EMX2: variants seen among roughly 807,000 people sequenced by gnomAD.
The protein encoded by EMX2 is empty spiracles homeobox 2, also known as homeobox protein EMX2.
In EMX2, 6 loss-of-function variants were observed where a neutral mutation model predicts 23.0. The observed-to-expected ratio is 0.26, with a 90% CI of 0.14 to 0.52. EMX2 has a LOEUF of 0.52. Ranked by LOEUF, EMX2 falls within the 20% of genes least tolerant of loss-of-function variation. The pLI is 0.97. For missense variants in EMX2, 302 were observed against 341.4 expected, an observed-to-expected ratio of 0.88 and a Z score of 0.91; for synonymous variants, 175 against 153.3, an observed-to-expected ratio of 1.14 and a Z score of -1.04.
chr10:117,544,374 TTTC>T (rs1410292938), intron 1 of EMX2: 4 of 84,438 alleles, frequency 4.7e-5, no homozygotes, highest in Non-Finnish European at 1.2e-4. Context: ...TTTTTCTTTC[TTTC>T]TTTAAAAAAA....
Position 117,548,940 on chromosome 10 carries a change from T to C in EMX2, c.*708T>C, listed in dbSNP as rs528090367. On this transcript the variant is annotated 3_prime_UTR_variant, in exon 3 of 3. Coordinates refer to ENST00000553456, the MANE Select transcript of EMX2 (RefSeq NM_004098.4). The stretch of plus-strand genomic sequence containing the variant: ...GTGTGCTTTTTATTTTGATTTTTTT[T>C]CCCAAGAAATGTGCAGTCTGTAAAC... 41 of 308,964 alleles carry C rather than the reference T, an allele frequency of 1.3e-4. No homozygotes were observed. Among genetic ancestry groups the C allele is most frequent in the Middle Eastern group, 1.7e-3 (2 of 1,164 alleles). 19.1% of individuals were successfully genotyped at this position (308,964 alleles called of 1,614,324 possible). A position where few individuals can be genotyped will look rare whatever the true frequency, so the allele number is the denominator to read the frequency against.
chr10:117,546,538 T>C (rs1846581191), intron 2 of EMX2, among the ~76,000 whole-genome samples: 1 of 152,204 alleles, frequency 6.6e-6, no homozygotes, highest in Non-Finnish European at 1.5e-5. Flanking sequence ...GACTAAGTTG[T>C]AACACTTTTC....
rs1464355718 is a variant in EMX2 at position 117,542,764 on chromosome 10, C to A, written c.-504C>A. The A allele has an allele frequency of 6.6e-6, 1 of 152,410 alleles. No homozygotes were observed. The highest frequency in any genetic ancestry group is 2.4e-5 in the African/African-American group (1 of 41,252). The allele number at this position is 152,410 out of a possible 1,614,324, so 9.4% of individuals were successfully genotyped here. A position where few individuals can be genotyped will look rare whatever the true frequency, so the allele number is the denominator to read the frequency against. ...ATCGTTTGCACAACTTGTGAAGAAGCGAACACTTCCATGGATTGTCCTTGG... is the reference window on the plus strand; with the variant it reads ...ATCGTTTGCACAACTTGTGAAGAAGAGAACACTTCCATGGATTGTCCTTGG... On this transcript the variant is annotated 5_prime_UTR_variant, in exon 1 of 3. Transcript: ENST00000553456.
chr10:117,547,766 G>A (rs555014229), intron 2 of EMX2, among the ~76,000 whole-genome samples: 1 of 152,350 alleles, frequency 6.6e-6, no homozygotes, highest in East Asian at 1.9e-4. Context: ...GCGGGATATA[G>A]ATGCCCTCTG....
At position 117,548,696 on chromosome 10, in the gene EMX2, C is replaced by T. The variant is rs1846616733; in HGVS notation, c.*464C>T. 1 of 415,098 alleles carries T rather than the reference C, an allele frequency of 2.4e-6. No homozygotes were observed. The highest frequency in any genetic ancestry group is 4.2e-6 in the Non-Finnish European group (1 of 235,522). 25.7% of individuals were successfully genotyped at this position (415,098 alleles called of 1,614,324 possible). A position where few individuals can be genotyped will look rare whatever the true frequency, so the allele number is the denominator to read the frequency against. On this transcript the variant is annotated 3_prime_UTR_variant, in exon 3 of 3. Transcript: ENST00000553456. ...AAAAAATGATGATGATGATAAAAAC[C>T]ACGACCCAACCAGGCACAGGACTTT...
Position 117,548,965 on chromosome 10 carries a change from C to A in EMX2, c.*733C>A. 1 of 235,764 alleles carries A rather than the reference C, an allele frequency of 4.2e-6. No homozygotes were observed. The allele number at this position is 235,764 out of a possible 1,614,324, so 14.6% of individuals were successfully genotyped here. On this transcript the variant is annotated 3_prime_UTR_variant, in exon 3 of 3. Coordinates refer to ENST00000553456, the MANE Select transcript of EMX2 (RefSeq NM_004098.4). Reference sequence around the variant, plus strand: ...TCCCAAGAAATGTGCAGTCTGTAAACACTTTTTGATACCTTCTGATGTCAA... The same window carrying A: ...TCCCAAGAAATGTGCAGTCTGTAAAAACTTTTTGATACCTTCTGATGTCAA...
intron 2 of EMX2, among the ~76,000 whole-genome samples, chr10:117,546,912 C>A (rs1386829325): frequency 1.3e-5 from 2 of 152,274 alleles, no homozygotes; most frequent in Non-Finnish European, 2.9e-5. Context: ...GACGGACCGG[C>A]CTGCGGCCTC....
At chr10:117,545,851 G>A in intron 2 of EMX2, 35 bp downstream of exon 2, 1 of 1,613,130 alleles carries the variant, frequency 6.2e-7, no homozygotes, top group Non-Finnish European at 8.5e-7. Flanking sequence ...ACCCATCTAG[G>A]CGTGCGCCCC....
Position 117,543,658 on chromosome 10 carries a change from G to C in EMX2, c.391G>C (p.Gly131Arg), listed in dbSNP as rs1220020690. The change falls in exon 1 of 3, where the codon GGT (glycine) becomes CGT (arginine). Residue 131 changes from glycine to arginine, a missense_variant. Gly to Arg is a moderately radical substitution (Grantham distance 125, BLOSUM62 -2). Coordinates refer to ENST00000553456, the MANE Select transcript of EMX2 (RefSeq NM_004098.4). ...GCTCATCCACCGCTACCGATATCTG[G>C]GTCATCGCTTCCAAGGTACGTGCCA... The part of the protein sequence containing the change: ...PWLIHRYRYL[G>R]HRFQGNDTSP... 1 of 1,613,560 alleles carries C rather than the reference G, an allele frequency of 6.2e-7. No individual in the cohort carries two copies. The highest frequency in any genetic ancestry group is 8.5e-7 in the Non-Finnish European group (1 of 1,179,720).
chr10:117,548,160 C>T lies in EMX2; in HGVS notation c.687C>T (p.His229=). 3.1e-6 allele frequency: 5 copies of T among 1,613,848 alleles called. No homozygotes were observed. The highest frequency in any genetic ancestry group is 4.2e-6 in the Non-Finnish European group (5 of 1,179,952). ...CGCAACAAAAGAAAAAAGGGACGCA[C>T]CATATTAACCGGTGGAGAATCGCCA... ...SDSQQKKKGT[H]HINRWRIATK... Residue 229 remains histidine (H), a synonymous_variant, in exon 3 of 3, where the codon CAC becomes CAT. Transcript: ENST00000553456.
At chr10:117,547,562 C>G (rs1259710535) in intron 2 of EMX2, among the ~76,000 whole-genome samples, 1 of 152,176 alleles carries the variant, frequency 6.6e-6, no homozygotes, top group African/African-American at 2.4e-5. Flanking sequence ...AGAGGAGACG[C>G]TATATTTAGG....
At chr10:117,544,156 T>A (rs1846541007) in intron 1 of EMX2, 1 of 208,092 alleles carries the variant, frequency 4.8e-6, no homozygotes, top group South Asian at 8.2e-5. Flanking sequence ...GGCTTCTTAG[T>A]CTTCCACCCT....
chr10:117,544,397 A>T (rs1222686489), intron 1 of EMX2: 1 of 149,964 alleles, frequency 6.7e-6, no homozygotes, highest in South Asian at 2.2e-4. Flanking sequence ...AAAAAAAAAG[A>T]ACCTGGTCAG....
intron 2 of EMX2, among the ~76,000 whole-genome samples, chr10:117,547,590 G>A (rs1846597472): frequency 6.6e-6 from 1 of 152,246 alleles, no homozygotes. Flanking sequence ...GCCCAGACCA[G>A]CAGAAAATAG....
chr10:117,548,757 C>G lies in EMX2; in HGVS notation c.*525C>G, dbSNP rs981429408. The G allele has an allele frequency of 3.2e-5, 13 of 405,282 alleles. No individual in the cohort carries two copies. The highest frequency in any genetic ancestry group is 1.2e-4 in the Admixed American group (3 of 24,180). The allele number at this position is 405,282 out of a possible 1,614,324, so 25.1% of individuals were successfully genotyped here. A position where few individuals can be genotyped will look rare whatever the true frequency, so the allele number is the denominator to read the frequency against. On this transcript the variant is annotated 3_prime_UTR_variant, in exon 3 of 3. Transcript: ENST00000553456. ...GCACTTCGCTGTGTTTCCCCCCCAT[C>G]TTTAAAAATAATTAGTAATAAAAAA...
At position 117,548,094 on chromosome 10, in the gene EMX2, A is replaced by C. The variant is rs993844229; in HGVS notation, c.621A>C (p.Thr207=). ...QVKVWFQNRR[T]KFKRQKLEEE... ...AAGTATGGTTTCAGAACCGAAGAAC[A>C]AAGTTCAAAAGGCAGAAGCTGGAGG... The change falls in exon 3 of 3, where the codon ACA becomes ACC. Residue 207 remains threonine (T), a synonymous_variant. Coordinates refer to ENST00000553456, the MANE Select transcript of EMX2 (RefSeq NM_004098.4). 6 of 1,613,250 alleles carry C rather than the reference A, an allele frequency of 3.7e-6. No homozygotes were observed. Among genetic ancestry groups the C allele is most frequent in the Non-Finnish European group, 5.1e-6 (6 of 1,179,596 alleles).
intron 2 of EMX2, 133 bp downstream of exon 2, chr10:117,545,949 T>C: frequency 7.8e-7 from 1 of 1,285,692 alleles, no homozygotes. Context: ...GTTCCACGCC[T>C]GGGCTCGGGA....
chr10:117,543,266 G>A lies in EMX2; in HGVS notation c.-2G>A, dbSNP rs1386630594. 2 of 1,545,494 alleles carry A rather than the reference G, an allele frequency of 1.3e-6. No homozygotes were observed. Among genetic ancestry groups the A allele is most frequent in the Middle Eastern group, 1.8e-4 (1 of 5,486 alleles). The stretch of plus-strand genomic sequence containing the variant: ...CCCAGGGCGCCCGCTCCTCGGCGCA[G>A]CATGTTCCAGCCGGCGCCCAAGCGC... On this transcript the variant is annotated 5_prime_UTR_variant, in exon 1 of 3. Transcript: ENST00000553456.
At position 117,548,814 on chromosome 10, in the gene EMX2, C is replaced by T. The variant is rs1361717859; in HGVS notation, c.*582C>T. ...TTCCATATCTAGCCCCATCCCACACCTGTTTCAAATCCTTGAAATGCATGT... is the reference window on the plus strand; with the variant it reads ...TTCCATATCTAGCCCCATCCCACACTTGTTTCAAATCCTTGAAATGCATGT... On this transcript the variant is annotated 3_prime_UTR_variant, in exon 3 of 3. Transcript: ENST00000553456. The T allele has an allele frequency of 1.7e-5, 7 of 400,556 alleles. No homozygotes were observed. The highest frequency in any genetic ancestry group is 8.6e-5 in the Admixed American group (2 of 23,312). The allele number at this position is 400,556 out of a possible 1,614,324, so 24.8% of individuals were successfully genotyped here. A position where few individuals can be genotyped will look rare whatever the true frequency, so the allele number is the denominator to read the frequency against.
Sources: gnomAD v4.1 joint callset for allele counts (sites outside exome capture counted in the v4.1 genomes callset) on GRCh38, gnomAD v4.1.1 for gene constraint, MANE v1.5 for transcripts, NCBI Gene and HGNC (gene_info 2026-07-23, HGNC 2026-07-21) for gene names.